The following SKOR2 variants were observed in gnomAD, a reference collection of about 807,000 sequenced individuals.
SKOR2 encodes the protein LBX1 corepressor 1-like protein.
A neutral mutation model predicts 69.1 loss-of-function variants in SKOR2; 47 were observed. The observed-to-expected ratio is 0.68, with a 90% CI of 0.54 to 0.87. The LOEUF is 0.87. Among genes scored for constraint, SKOR2 ranks in the 40% least tolerant of loss-of-function variants. The pLI is 0.00. For synonymous variants in SKOR2, 717 were observed against 672.6 expected (o/e 1.07, Z -1.02); for missense variants, 1,404 against 1,472.2 (o/e 0.95, Z 0.76).
intron 6 of SKOR2, among the ~76,000 whole-genome samples, chr18:47,226,264 T>C (rs940687949): frequency 4.6e-5 from 7 of 152,216 alleles, no homozygotes; most frequent in African/African-American, 1.7e-4. Context: ...AAGGTGTACA[T>C]AATGCAGTGG....
At chr18:47,236,174 A>G (rs192078584) in intron 4 of SKOR2, among the ~76,000 whole-genome samples, 1 of 152,162 alleles carries the variant, frequency 6.6e-6, no homozygotes, top group African/African-American at 2.4e-5. Flanking sequence ...TTTTTTTTGT[A>G]GAGACGGGGT....
chr18:47,220,389 G>C (rs1323702911), intron 6 of SKOR2, among the ~76,000 whole-genome samples: 2 of 152,118 alleles, frequency 1.3e-5, no homozygotes, highest in Non-Finnish European at 2.9e-5. Context: ...GCCTCAGATA[G>C]AGCTGAGCAT....
intron 5 of SKOR2, 54 bp from the exon 6 acceptor site, chr18:47,230,611 G>A (rs1293784035): frequency 6.1e-6 from 7 of 1,140,112 alleles, no homozygotes; most frequent in Non-Finnish European, 8.1e-6. Flanking sequence ...ACTCTCCAGA[G>A]AACTGTTATA....
In SKOR2 at chr18:47,248,989, C is replaced by T. The variant is rs768986941; in HGVS notation, c.195G>A (p.Ala65=). The T allele has an allele frequency of 1.3e-6, 2 of 1,563,076 alleles. No homozygotes were observed. Among genetic ancestry groups the T allele is most frequent in the South Asian group, 1.2e-5 (1 of 86,016 alleles). The change falls in exon 2 of 9, where the codon GCG becomes GCA. Residue 65 remains alanine, a synonymous_variant. Coordinates refer to ENST00000425639, the MANE Select transcript of SKOR2 (RefSeq NM_001278063.4). This position sits in a 1 kb window ranked among gnomAD's most constrained non-coding sequence, Gnocchi z 6.4. ...VIDGQERLCL[A]QISNTLLKNF... The stretch of plus-strand genomic sequence containing the variant: ...TCTTGAGCAGAGTGTTGGAGATCTG[C>T]GCCAGGCACAGGCGCTCTTGCCCGT...
Position 47,220,139 on chromosome 18 carries a change from A to C in SKOR2, c.2918-129T>G, listed in dbSNP as rs2064156820. On this transcript the variant is annotated intron_variant, in intron 6 of 8. Coordinates refer to ENST00000425639, the MANE Select transcript of SKOR2 (RefSeq NM_001278063.4). ...TTTTAAGTATTTTTTTCATAGGCAA[A>C]TTATATGCTTGTTTGAAGAATGTTT... 6.1e-6 allele frequency: 4 copies of C among 660,348 alleles called. No homozygotes were observed. The Admixed American group carries it at 1.2e-4, about 19-fold the overall frequency. 40.9% of individuals were successfully genotyped at this position (660,348 alleles called of 1,614,324 possible).
At position 47,246,903 on chromosome 18, in the gene SKOR2, G is replaced by C. The variant is rs1323355706; in HGVS notation, c.2281C>G (p.Arg761Gly). The change falls in exon 2 of 9, where the codon CGA (arginine) becomes GGA (glycine). Residue 761 changes from arginine to glycine, a missense_variant. By Grantham distance (125) the Arg-to-Gly change is moderately radical. Transcript: ENST00000425639. Reference protein sequence around the residue: ...PPEGEEEEEGRDPDDDEEEDE... With the variant: ...PPEGEEEEEGGDPDDDEEEDE... Reference sequence around the variant, plus strand: ...TCTTCCTCGTCGTCGTCAGGGTCTCGACCTTCCTCCTCTTCCTCGCCCTCG... The same window carrying C: ...TCTTCCTCGTCGTCGTCAGGGTCTCCACCTTCCTCCTCTTCCTCGCCCTCG... 10 of 1,491,774 alleles carry C rather than the reference G, an allele frequency of 6.7e-6. No homozygotes were observed. Among genetic ancestry groups the C allele is most frequent in the South Asian group, 2.5e-5 (2 of 78,882 alleles). 92.4% of individuals were successfully genotyped at this position (1,491,774 alleles called of 1,614,324 possible).
At chr18:47,216,217 T>G (rs1195294672) in intron 7 of SKOR2, among the ~76,000 whole-genome samples, 1 of 152,204 alleles carries the variant, frequency 6.6e-6, no homozygotes, top group African/African-American at 2.4e-5. Context: ...TTTATAAACA[T>G]GCTAAATTAA....
intron 1 of SKOR2, among the ~76,000 whole-genome samples, 190 bp downstream of exon 1, chr18:47,251,184 G>A (rs1193234349): frequency 6.6e-6 from 1 of 152,094 alleles, no homozygotes; most frequent in African/African-American, 2.4e-5. Flanking sequence ...GGAACCTGGT[G>A]AACTTCCCTA....
intron 6 of SKOR2, among the ~76,000 whole-genome samples, chr18:47,223,018 G>C (rs1231312173): frequency 6.6e-6 from 1 of 152,134 alleles, no homozygotes; most frequent in Non-Finnish European, 1.5e-5. Context: ...GAAAAGACTG[G>C]TTGATTTGAT....
At chr18:47,244,841 G>C in intron 4 of SKOR2, 67 bp downstream of exon 4, 2 of 1,391,750 alleles carry the variant, frequency 1.4e-6, no homozygotes, top group African/African-American at 2.9e-5. Context: ...TCAGTCTTTT[G>C]ATTATGAATT....
chr18:47,239,092 G>T (rs2064237751), intron 4 of SKOR2, among the ~76,000 whole-genome samples: 1 of 152,056 alleles, frequency 6.6e-6, no homozygotes, highest in South Asian at 2.1e-4. Flanking sequence ...TTTGGATAGG[G>T]TCAAAGTTAA....
chr18:47,209,506 G>C (rs557329431), intron 8 of SKOR2, among the ~76,000 whole-genome samples: 1 of 152,256 alleles, frequency 6.6e-6, no homozygotes, highest in South Asian at 2.1e-4. Flanking sequence ...ATTTAGCTAA[G>C]CATTTAAGTA....
intron 4 of SKOR2, among the ~76,000 whole-genome samples, chr18:47,238,184 T>C (rs887097696): frequency 6.6e-6 from 1 of 152,062 alleles, no homozygotes; most frequent in African/African-American, 2.4e-5. Context: ...TTGGAGAAAA[T>C]GTTTTGTTTT....
intron 4 of SKOR2, among the ~76,000 whole-genome samples, chr18:47,231,630 C>CG (rs1229657960): frequency 6.6e-6 from 1 of 151,938 alleles, no homozygotes; most frequent in African/African-American, 2.4e-5. Flanking sequence ...GATCACTTGA[C>CG]GTCAGGAGTT....
chr18:47,208,439 A>G (rs187269538), intron 8 of SKOR2, among the ~76,000 whole-genome samples: 4 of 152,332 alleles, frequency 2.6e-5, no homozygotes, highest in Admixed American at 6.5e-5. Context: ...CTGCATGACT[A>G]TGAATGAGAC....
Position 47,246,601 on chromosome 18 carries a change from T to C in SKOR2, c.2583A>G (p.Pro861=). The C allele has an allele frequency of 6.6e-7, 1 of 1,524,072 alleles. No homozygotes were observed. Among genetic ancestry groups the C allele is most frequent in the South Asian group, 1.2e-5 (1 of 83,702 alleles). 94.4% of individuals were successfully genotyped at this position (1,524,072 alleles called of 1,614,324 possible). ...TGTAGGAGGGCTGCTCCTCCAGTGA[T>C]GGATGGTGAACTGGGCTGCCCGGGC... ...SSSPGSPVHH[P]SLEEQPSYKD... The change falls in exon 2 of 9, where the codon CCA becomes CCG. Residue 861 remains proline, a synonymous_variant. Transcript: ENST00000425639.
Position 47,248,525 on chromosome 18 carries a change from G to A in SKOR2, c.659C>T (p.Pro220Leu), listed in dbSNP as rs1451486281. 27 of 1,537,080 alleles carry A rather than the reference G, an allele frequency of 1.8e-5. No homozygotes were observed. Among genetic ancestry groups the A allele is most frequent in the South Asian group, 2.4e-5 (2 of 84,068 alleles). ...CCAGGCGAAGACCAGCTCGTCCTGGGGACTCTTGTCGGTGAGCTTGAGATG... is the reference window on the plus strand; with the variant it reads ...CCAGGCGAAGACCAGCTCGTCCTGGAGACTCTTGTCGGTGAGCTTGAGATG... ...RRHLKLTDKS[P>L]QDELVFAWED... The change falls in exon 2 of 9, where the codon CCC (proline) becomes CTC (leucine). Residue 220 changes from proline (P) to leucine (L), a missense_variant. Physicochemically the swap from Pro to Leu is moderately conservative, Grantham distance 98. Transcript: ENST00000425639. This position sits in a 1 kb window ranked among gnomAD's most constrained non-coding sequence, Gnocchi z 6.4.
At chr18:47,222,996 A>G (rs942236918) in intron 6 of SKOR2, among the ~76,000 whole-genome samples, 2 of 152,240 alleles carry the variant, frequency 1.3e-5, no homozygotes, top group African/African-American at 4.8e-5. Context: ...ATAAAAGGCA[A>G]AAACTGAAAA....
intron 6 of SKOR2, among the ~76,000 whole-genome samples, chr18:47,225,080 C>T (rs2064174323): frequency 6.6e-6 from 1 of 152,112 alleles, no homozygotes; most frequent in Non-Finnish European, 1.5e-5. Context: ...AACCACTGAA[C>T]ATAAAATGAA....
Sources: allele counts gnomAD v4.1 joint callset (sites outside exome capture counted in the v4.1 genomes callset), GRCh38; gene constraint gnomAD v4.1.1; non-coding constraint Gnocchi (gnomAD v3.1); transcripts MANE v1.5; gene names NCBI Gene and HGNC (gene_info 2026-07-23, HGNC 2026-07-21).